KIAA1217: variants seen among roughly 807,000 people sequenced by gnomAD.
The protein encoded by KIAA1217 is sickle tail protein homolog.
Under a neutral mutation model 163.9 loss-of-function variants are expected in KIAA1217, and 88 were observed. The observed-to-expected ratio is 0.54, with a 90% CI of 0.45 to 0.64. The LOEUF is 0.64. KIAA1217 is among the 30% of genes least tolerant of loss of function. The pLI is 0.00. For synonymous variants in KIAA1217, 903 were observed against 923.1 expected (o/e 0.98, Z 0.39); for missense variants, 2,372 against 2,475.0 (o/e 0.96, Z 0.88).
chr10:24,144,620 A>C (rs1007315550), intron 2 of KIAA1217, among the ~76,000 whole-genome samples: 1 of 152,240 alleles, frequency 6.6e-6, no homozygotes. Flanking sequence ...CAGGATGCGC[A>C]ATCAGTACCT....
intron 1 of KIAA1217, among the ~76,000 whole-genome samples, chr10:23,892,916 G>A (rs139482397): frequency 1.3e-5 from 2 of 152,016 alleles, no homozygotes; most frequent in Non-Finnish European, 2.9e-5. Context: ...GGAAAACAAC[G>A]TGGCATTGAC....
rs557462039 is a variant in KIAA1217, at chr10:24,095,188, G to A, written c.-171+87814G>A. 2.0e-4 allele frequency among the ~76,000 whole-genome samples: 30 copies of A among 152,280 alleles called. No individual in the cohort carries two copies. The South Asian group carries it at 3.3e-3, about 17-fold the overall frequency. ...AACTCCCTGACCCCTTGCGCTTCCC[G>A]AGTAAGGCAATGCCTCGCCCTGCTT... is the stretch of plus-strand genomic sequence containing the variant. On this transcript the variant is annotated intron_variant, in intron 2 of 18. Coordinates refer to the KIAA1217 transcript ENST00000376462.
chr10:24,317,123 A>G lies in KIAA1217; in HGVS notation c.355-63746A>G, dbSNP rs543367445. ...AATACTGCAATGTATGTCAGCCTAT[A>G]GATTTTCATGTAGTTTCTTGTCCAA... On this transcript the variant is annotated intron_variant, in intron 2 of 20. Transcript: ENST00000376454. Among the ~76,000 whole-genome samples the G allele has an allele frequency of 2.6e-4, 40 of 152,264 alleles. 1 individual carries two copies. Among genetic ancestry groups the G allele is most frequent in the African/African-American group, 9.1e-4 (38 of 41,558 alleles).
Position 24,301,968 on chromosome 10 carries a change from C to T in KIAA1217, c.355-78901C>T, listed in dbSNP as rs185863696. On this transcript the variant is annotated intron_variant, in intron 2 of 20. Transcript: ENST00000376454. The stretch of plus-strand genomic sequence containing the variant: ...GCTGAGGCAGGAGAATCACTTGAAC[C>T]GGGGAGGCGGAGGCTGCAGTGAGCC... Among the ~76,000 whole-genome samples, 37 of 152,174 alleles carry T rather than the reference C, an allele frequency of 2.4e-4. No homozygotes were observed. The East Asian group carries it at 6.2e-3, about 25-fold the overall frequency.
At chr10:24,455,048 G>A (rs1253002994) in intron 5 of KIAA1217, among the ~76,000 whole-genome samples, 1 of 152,050 alleles carries the variant, frequency 6.6e-6, no homozygotes, top group Non-Finnish European at 1.5e-5. Context: ...GGCACTGTTG[G>A]CAACCTCGGG....
intron 1 of KIAA1217, among the ~76,000 whole-genome samples, chr10:23,700,035 A>G (rs1836323069): frequency 6.6e-6 from 1 of 152,180 alleles, no homozygotes; most frequent in Non-Finnish European, 1.5e-5. Context: ...TGGAATCTTA[A>G]TCATGAGAGC....
chr10:23,741,229 G>C (rs56919899), intron 1 of KIAA1217, among the ~76,000 whole-genome samples: 3,705 of 152,132 alleles, frequency 0.024, 164 homozygotes, highest in African/African-American at 0.084. Context: ...AGAGAACACA[G>C]TCTTCATAAA....
intron 1 of KIAA1217, among the ~76,000 whole-genome samples, chr10:23,875,512 C>A (rs554902465): frequency 1.3e-5 from 2 of 151,746 alleles, no homozygotes; most frequent in Non-Finnish European, 2.9e-5. Context: ...TTATATGGTA[C>A]GGTAGTGGAT....
chr10:24,448,679 GC>G (rs2061159909), intron 5 of KIAA1217, among the ~76,000 whole-genome samples: 1 of 152,210 alleles, frequency 6.6e-6, no homozygotes, highest in South Asian at 2.1e-4. Flanking sequence ...GAGCCACTGT[GC>G]CTGGCCCCTT....
At chr10:23,935,540 A>G (rs1227519746) in intron 1 of KIAA1217, among the ~76,000 whole-genome samples, 2 of 152,248 alleles carry the variant, frequency 1.3e-5, no homozygotes, top group African/African-American at 2.4e-5. Context: ...ACCAAAGTAT[A>G]TTAGCAACAA....
chr10:24,389,487 A>G (rs2054534382), intron 3 of KIAA1217, among the ~76,000 whole-genome samples: 1 of 152,068 alleles, frequency 6.6e-6, no homozygotes. Flanking sequence ...CCAACATGGC[A>G]CATGTATACA....
intron 2 of KIAA1217, among the ~76,000 whole-genome samples, chr10:24,359,060 CTTTTCTTTTCTTTCTTTCTTTCTTTTT>C (rs2049539680): frequency 7.2e-6 from 1 of 139,760 alleles, no homozygotes; most frequent in Admixed American, 7.1e-5. Flanking sequence ...TTTCTTTTTT[CTTTTCTTTTCTTTCTTTCTTTCTTTTT>C]TTTTTTTTTT....
At chr10:24,137,943 A>G (rs2063896645) in intron 2 of KIAA1217, among the ~76,000 whole-genome samples, 2 of 152,166 alleles carry the variant, frequency 1.3e-5, no homozygotes, top group Non-Finnish European at 2.9e-5. Flanking sequence ...GTTGCAAAGG[A>G]TGGTTGTTTT....
chr10:24,365,325 G>T (rs1337811168), intron 2 of KIAA1217, among the ~76,000 whole-genome samples: 3 of 151,836 alleles, frequency 2.0e-5, no homozygotes, highest in Admixed American at 6.5e-5. Flanking sequence ...TCTCTGAAGG[G>T]CTGTGGTTGT....
At chr10:24,168,736 C>T (rs1382801316) in intron 2 of KIAA1217, among the ~76,000 whole-genome samples, 2 of 152,338 alleles carry the variant, frequency 1.3e-5, no homozygotes, top group Middle Eastern at 3.4e-3. Context: ...CGGTTCTCTC[C>T]GGCCACTGTC....
chr10:24,432,776 C>T lies in KIAA1217; in HGVS notation c.554-219C>T, dbSNP rs193143127. On this transcript the variant is annotated intron_variant, in intron 3 of 20. Coordinates refer to ENST00000376454, the MANE Select transcript of KIAA1217 (RefSeq NM_019590.5). ...AGCCCTTGAATTTTTGAAAATTAGG[C>T]TCTTTAACACCTGCTTGGACTTCAA... Among the ~76,000 whole-genome samples, 148 of 152,306 alleles carry T rather than the reference C, an allele frequency of 9.7e-4. 1 individual carries two copies. Among genetic ancestry groups the T allele is most frequent in the African/African-American group, 3.2e-3 (131 of 41,582 alleles).
intron 1 of KIAA1217, among the ~76,000 whole-genome samples, chr10:23,992,013 TATTA>T (rs1271503263): frequency 2.0e-5 from 3 of 152,174 alleles, no homozygotes; most frequent in Admixed American, 1.3e-4. Flanking sequence ...AATCCATTAA[TATTA>T]TGACATGATT....
chr10:24,148,502 A>T (rs1314826979), intron 2 of KIAA1217, among the ~76,000 whole-genome samples: 1 of 152,094 alleles, frequency 6.6e-6, no homozygotes, highest in African/African-American at 2.4e-5. Context: ...CCTCATGAAT[A>T]GTTTGGCGCT....
intron 8 of KIAA1217, among the ~76,000 whole-genome samples, chr10:24,499,037 A>G (rs928014140): frequency 6.6e-6 from 1 of 152,196 alleles, no homozygotes; most frequent in Admixed American, 6.5e-5. Flanking sequence ...AGCAAACAGA[A>G]GGTAGCACAG....
Sources: allele counts gnomAD v4.1 joint callset (sites outside exome capture counted in the v4.1 genomes callset), GRCh38; gene constraint gnomAD v4.1.1; transcripts MANE v1.5; gene names NCBI Gene and HGNC (gene_info 2026-07-23, HGNC 2026-07-21).